AKAP6: variants seen among roughly 807,000 people sequenced by gnomAD.
AKAP6 encodes the protein A-kinase anchor protein 6.
AKAP6 carries 58 observed loss-of-function variants against 188.5 expected under a neutral mutation model. The ratio of observed to expected loss-of-function variants is 0.31; its 90% CI spans 0.25 to 0.38. The LOEUF is 0.38. Ranked by LOEUF, AKAP6 falls within the 10% of genes least tolerant of loss-of-function variation. The pLI is 1.00. For missense variants in AKAP6, 2,710 were observed against 2,740.0 expected, an observed-to-expected ratio of 0.99 and a Z score of 0.24; for synonymous variants, 989 against 998.6, an observed-to-expected ratio of 0.99 and a Z score of 0.18.
chr14:32,425,221 G>T (rs566292215), intron 1 of AKAP6, among the ~76,000 whole-genome samples: 1 of 152,012 alleles, frequency 6.6e-6, no homozygotes, highest in Admixed American at 6.6e-5. Flanking sequence ...TTTTGTTTTT[G>T]ATTTGCATTT....
chr14:32,701,970 C>A (rs1890637973), intron 9 of AKAP6, among the ~76,000 whole-genome samples: 1 of 152,104 alleles, frequency 6.6e-6, no homozygotes, highest in South Asian at 2.1e-4. Context: ...AAATTAAATT[C>A]TGTTAATTAG....
chr14:32,544,133 G>T (rs1181278423), intron 3 of AKAP6, among the ~76,000 whole-genome samples: 1 of 152,152 alleles, frequency 6.6e-6, no homozygotes. Flanking sequence ...AGGATCACAG[G>T]GTCCAGCAGC....
chr14:32,573,984 G>A (rs149614216), intron 4 of AKAP6, among the ~76,000 whole-genome samples: 409 of 152,242 alleles, frequency 2.7e-3, no homozygotes, highest in African/African-American at 8.8e-3. Context: ...AGATAGAGGG[G>A]GCTGAGTGAA....
At position 32,822,507 on chromosome 14, in the gene AKAP6, G is replaced by A. The variant is rs553283462; in HGVS notation, c.4694G>A (p.Ser1565Asn). Residue 1565 changes from serine (S) to asparagine (N), a missense_variant, in exon 13 of 14, where the codon AGT becomes AAT. Transcript: ENST00000280979. Reference sequence around the variant, plus strand: ...AAACAGCTCTCCCTTTTATCTCATAGTTCATCTATTGAGTCCCTTTCTCCA... The same window carrying A: ...AAACAGCTCTCCCTTTTATCTCATAATTCATCTATTGAGTCCCTTTCTCCA... ...NAKQLSLLSH[S>N]SSIESLSPGG... The A allele has an allele frequency of 3.7e-5, 59 of 1,614,020 alleles. No individual in the cohort carries two copies. In the South Asian group the frequency reaches 5.7e-4, roughly 16 times the overall value.
At chr14:32,356,796 C>G (rs1413258913) in intron 1 of AKAP6, among the ~76,000 whole-genome samples, 1 of 151,914 alleles carries the variant, frequency 6.6e-6, no homozygotes, top group Non-Finnish European at 1.5e-5. Flanking sequence ...TTTTCATGCC[C>G]TAAACCTTTG....
intron 2 of AKAP6, among the ~76,000 whole-genome samples, chr14:32,507,492 G>T (rs1463074132): frequency 6.6e-6 from 1 of 152,014 alleles, no homozygotes; most frequent in Admixed American, 6.6e-5. Context: ...TTATTAAGTG[G>T]TGTGTTTGAG....
intron 11 of AKAP6, among the ~76,000 whole-genome samples, chr14:32,757,506 A>G (rs75490794): frequency 0.022 from 3,314 of 152,338 alleles, 118 homozygotes; most frequent in African/African-American, 0.076. Flanking sequence ...GGAATGTTTA[A>G]TGAAAGGCAT....
At chr14:32,499,954 T>C (rs1304082074) in intron 2 of AKAP6, among the ~76,000 whole-genome samples, 1 of 152,024 alleles carries the variant, frequency 6.6e-6, no homozygotes, top group Non-Finnish European at 1.5e-5. Flanking sequence ...ACTAAAGCTT[T>C]GCAGTAAGAA....
At chr14:32,430,941 C>T (rs1438381244) in intron 1 of AKAP6, among the ~76,000 whole-genome samples, 3 of 151,926 alleles carry the variant, frequency 2.0e-5, no homozygotes, top group Non-Finnish European at 4.4e-5. Flanking sequence ...CCTGTCTCTA[C>T]TAAAAAAAGT....
intron 11 of AKAP6, among the ~76,000 whole-genome samples, chr14:32,755,882 C>T (rs1444202180): frequency 6.6e-6 from 1 of 152,232 alleles, no homozygotes; most frequent in Non-Finnish European, 1.5e-5. Flanking sequence ...TTGTTTGGTA[C>T]TGTCATGTTT....
At chr14:32,517,917 C>G (rs1382893339) in intron 2 of AKAP6, among the ~76,000 whole-genome samples, 1 of 152,180 alleles carries the variant, frequency 6.6e-6, no homozygotes, top group Non-Finnish European at 1.5e-5. Context: ...CCCTGACGCC[C>G]GAGTAGCCTA....
intron 2 of AKAP6, among the ~76,000 whole-genome samples, chr14:32,453,682 C>T (rs1392296964): frequency 1.4e-5 from 2 of 145,420 alleles, no homozygotes; most frequent in African/African-American, 2.5e-5. Context: ...CTGCAAGCTC[C>T]GCCTCCCGGG....
At chr14:32,559,140 T>A (rs1883818316) in intron 4 of AKAP6, among the ~76,000 whole-genome samples, 1 of 152,192 alleles carries the variant, frequency 6.6e-6, no homozygotes, top group Non-Finnish European at 1.5e-5. Context: ...GTTAAGGGAA[T>A]GAGTAAGTGA....
intron 11 of AKAP6, among the ~76,000 whole-genome samples, chr14:32,751,755 C>CAGA: frequency 1.3e-5 from 2 of 152,220 alleles, no homozygotes; most frequent in South Asian, 4.1e-4. Context: ...TCTGTTTCTG[C>CAGA]AGAACCTAAT....
intron 8 of AKAP6, among the ~76,000 whole-genome samples, chr14:32,679,803 A>G (rs1488736584): frequency 1.3e-5 from 2 of 152,210 alleles, no homozygotes; most frequent in Non-Finnish European, 2.9e-5. Flanking sequence ...CATATTATAT[A>G]TGTAGTCAAT....
chr14:32,623,699 G>T (rs1886902205), intron 7 of AKAP6, among the ~76,000 whole-genome samples: 1 of 152,154 alleles, frequency 6.6e-6, no homozygotes, highest in South Asian at 2.1e-4. Context: ...AGACTCAGAA[G>T]AGAGTGAGAG....
In AKAP6 at chr14:32,830,132, C is replaced by T; in HGVS notation, c.*327C>T. The T allele has an allele frequency of 1.7e-6, 1 of 592,686 alleles. No homozygotes were observed. The highest frequency in any genetic ancestry group is 3.0e-6 in the Non-Finnish European group (1 of 333,302). 36.7% of individuals were successfully genotyped at this position (592,686 alleles called of 1,614,324 possible). On this transcript the variant is annotated 3_prime_UTR_variant, in exon 14 of 14. Coordinates refer to ENST00000280979, the MANE Select transcript of AKAP6 (RefSeq NM_004274.5). ...CCAGCTAGACTTTTCTCTTTGCCTC[C>T]TCCCTTCCCTTCCACTCTTTAAAGT...
At chr14:32,688,325 T>C (rs185390175) in intron 8 of AKAP6, among the ~76,000 whole-genome samples, 1 of 152,214 alleles carries the variant, frequency 6.6e-6, no homozygotes, top group Admixed American at 6.5e-5. Context: ...TTAGCTCTTT[T>C]CTTTAAAATG....
chr14:32,810,724 G>A (rs4981163), intron 12 of AKAP6, among the ~76,000 whole-genome samples: 128,852 of 152,174 alleles, frequency 0.85, 54,554 homozygotes, highest in Admixed American at 0.88. Context: ...CAATTCTGAG[G>A]CTTTTTAATC....
Sources: gnomAD v4.1 joint callset for allele counts (sites outside exome capture counted in the v4.1 genomes callset) on GRCh38, gnomAD v4.1.1 for gene constraint, MANE v1.5 for transcripts, NCBI Gene and HGNC (gene_info 2026-07-23, HGNC 2026-07-21) for gene names.